DLG2: variants seen among roughly 807,000 people sequenced by gnomAD.
DLG2 encodes disks large homolog 2.
Under a neutral mutation model 132.5 loss-of-function variants are expected in DLG2, and 45 were observed. The observed-to-expected ratio is 0.34, with a 90% confidence interval of 0.27 to 0.44. The LOEUF (loss-of-function observed/expected upper bound fraction) is 0.44. Among genes scored for constraint, DLG2 ranks in the 20% least tolerant of loss-of-function variants. The pLI is 1.00. For missense variants in DLG2, 1,045 were observed against 1,196.9 expected, an observed-to-expected ratio of 0.87 and a Z score of 1.87; for synonymous variants, 424 against 419.6, an observed-to-expected ratio of 1.01 and a Z score of -0.13.
intron 6 of DLG2, among the ~76,000 whole-genome samples, chr11:84,775,590 A>T (rs959242939): frequency 5.3e-5 from 8 of 151,980 alleles, no homozygotes; most frequent in Non-Finnish European, 1.0e-4. Context: ...AGGCAGCCAT[A>T]AAAAAAGTGA....
At chr11:84,863,005 C>G (rs1360203872) in intron 6 of DLG2, among the ~76,000 whole-genome samples, 2 of 151,978 alleles carry the variant, frequency 1.3e-5, no homozygotes, top group Non-Finnish European at 2.9e-5. Context: ...CGTCCTGCTT[C>G]TCTCCCACCA....
chr11:84,305,394 T>C (rs1722330922), intron 7 of DLG2, among the ~76,000 whole-genome samples: 1 of 152,130 alleles, frequency 6.6e-6, no homozygotes, highest in Non-Finnish European at 1.5e-5. Flanking sequence ...AAATTAGTGT[T>C]AGAAAAAGTA....
At chr11:83,735,559 C>T (rs1041451375) in intron 18 of DLG2, among the ~76,000 whole-genome samples, 7 of 152,180 alleles carry the variant, frequency 4.6e-5, no homozygotes, top group Admixed American at 1.3e-4. Flanking sequence ...CTTGGTGACA[C>T]ATAATTTGCA....
intron 6 of DLG2, among the ~76,000 whole-genome samples, chr11:84,853,712 A>G (rs989047370): frequency 6.6e-6 from 1 of 151,716 alleles, no homozygotes; most frequent in Non-Finnish European, 1.5e-5. Flanking sequence ...ACCATTGAAA[A>G]CCCCTAGTCT....
At chr11:83,911,097 A>G (rs1417949554) in intron 15 of DLG2, among the ~76,000 whole-genome samples, 11 of 152,158 alleles carry the variant, frequency 7.2e-5, no homozygotes, top group Non-Finnish European at 7.4e-5. Flanking sequence ...CAAGAAAAAA[A>G]GTGATGTAAA....
At chr11:85,397,773 T>C (rs1312212962) in intron 3 of DLG2, among the ~76,000 whole-genome samples, 2 of 152,116 alleles carry the variant, frequency 1.3e-5, no homozygotes, top group Non-Finnish European at 2.9e-5. Context: ...CCCAGATTCA[T>C]AAAGCAAGTC....
At chr11:83,507,771 T>C (rs2094800015) in intron 21 of DLG2, among the ~76,000 whole-genome samples, 1 of 44,144 alleles carries the variant, frequency 2.3e-5, no homozygotes, top group Non-Finnish European at 5.0e-5. Flanking sequence ...TATATATATA[T>C]ATATATATAT....
chr11:84,351,942 A>G (rs2098576943), intron 7 of DLG2, among the ~76,000 whole-genome samples: 1 of 152,228 alleles, frequency 6.6e-6, no homozygotes, highest in South Asian at 2.1e-4. Flanking sequence ...CTGGGCTGAA[A>G]TATTAGGATT....
chr11:84,658,533 C>T (rs1488574472), intron 6 of DLG2, among the ~76,000 whole-genome samples: 1 of 152,062 alleles, frequency 6.6e-6, no homozygotes, highest in African/African-American at 2.4e-5. Flanking sequence ...ATGTGATCCC[C>T]AATGCTAAAG....
In DLG2 at chr11:84,299,816, C is replaced by T. The variant is rs138095964; in HGVS notation, c.520-48525G>A. On this transcript the variant is annotated intron_variant, in intron 7 of 27. Coordinates refer to ENST00000376104, the MANE Select transcript of DLG2 (RefSeq NM_001142699.3). Reference sequence around the variant, plus strand: ...ACTGTTATCATTCCATTCAGTCCTTCGAAAATAATGTTTCTTCTACTAGAA... The same window carrying T: ...ACTGTTATCATTCCATTCAGTCCTTTGAAAATAATGTTTCTTCTACTAGAA... Among the ~76,000 whole-genome samples the T allele has an allele frequency of 1.8e-3, 270 of 152,224 alleles. 1 individual carries two copies. Among genetic ancestry groups the T allele is most frequent in the African/African-American group, 6.2e-3 (257 of 41,540 alleles).
rs546306540 is a variant in DLG2 at position 84,677,522 on chromosome 11, T to C, written c.358-142791A>G. Among the ~76,000 whole-genome samples, 4 of 152,188 alleles carry C rather than the reference T, an allele frequency of 2.6e-5. No individual in the cohort carries two copies. The East Asian group carries it at 7.8e-4, about 30-fold the overall frequency. On this transcript the variant is annotated intron_variant, in intron 6 of 27. Coordinates refer to ENST00000376104, the MANE Select transcript of DLG2 (RefSeq NM_001142699.3). The stretch of plus-strand genomic sequence containing the variant: ...ACTTACAAATCCTTCCTTATAAGAA[T>C]AGCCCTGCACAGAATCATTCTAACT...
At chr11:84,649,870 T>A (rs769721997) in intron 6 of DLG2, among the ~76,000 whole-genome samples, 1 of 152,072 alleles carries the variant, frequency 6.6e-6, no homozygotes, top group African/African-American at 2.4e-5. Context: ...CATCAACACA[T>A]CTCCAAACTC....
chr11:85,100,692 T>G (rs1042833856), intron 6 of DLG2, among the ~76,000 whole-genome samples: 1 of 152,066 alleles, frequency 6.6e-6, no homozygotes, highest in African/African-American at 2.4e-5. Flanking sequence ...GCCATCAGTC[T>G]CTCCTTCCTT....
At chr11:83,713,122 C>T (rs2085870538) in intron 18 of DLG2, among the ~76,000 whole-genome samples, 2 of 152,078 alleles carry the variant, frequency 1.3e-5, no homozygotes, top group African/African-American at 4.8e-5. Flanking sequence ...CACATGTTTT[C>T]CTCCTTTAAT....
intron 6 of DLG2, among the ~76,000 whole-genome samples, chr11:84,542,901 T>C (rs2099380057): frequency 8.0e-6 from 1 of 124,958 alleles, no homozygotes; most frequent in Admixed American, 7.8e-5. Context: ...TTAAACACTT[T>C]GACATTTACT....
intron 3 of DLG2, among the ~76,000 whole-genome samples, chr11:85,561,357 A>G (rs1348927479): frequency 6.9e-6 from 1 of 144,660 alleles, no homozygotes; most frequent in Non-Finnish European, 1.5e-5. Context: ...AAAAAAAAAA[A>G]AAAAAAAAAA....
rs192281293 is a variant in DLG2 at position 83,789,887 on chromosome 11, T to G, written c.1723-3095A>C. On this transcript the variant is annotated intron_variant, in intron 17 of 27. Coordinates refer to ENST00000376104, the MANE Select transcript of DLG2 (RefSeq NM_001142699.3). The stretch of plus-strand genomic sequence containing the variant: ...TGAAATAGTTATGGCAGCAAAAGAT[T>G]TTGATGGCAATGAAAGTTTGTAAAC... The G allele has an allele frequency of 1.6e-3, 1,046 of 645,180 alleles. 12 individuals carry two copies. In the African/African-American group the frequency reaches 0.018, roughly 11 times the overall value. 40.0% of individuals were successfully genotyped at this position (645,180 alleles called of 1,614,324 possible).
chr11:83,715,225 C>T (rs1245982395), intron 18 of DLG2, among the ~76,000 whole-genome samples: 2 of 152,120 alleles, frequency 1.3e-5, no homozygotes, highest in Admixed American at 1.3e-4. Context: ...TCAAATCCAC[C>T]AGGCACCAAA....
chr11:85,291,958 A>G lies in DLG2; in HGVS notation c.41-6593T>C, dbSNP rs987333447. Among the ~76,000 whole-genome samples, 9 of 152,134 alleles carry G rather than the reference A, an allele frequency of 5.9e-5. 1 individual carries two copies. The South Asian group carries it at 8.3e-4, about 14-fold the overall frequency. ...AAGACATATGCCTTACGCTTCCTCCAACATACCTTGTTCTCTTACCACATA... is the reference window on the plus strand; with the variant it reads ...AAGACATATGCCTTACGCTTCCTCCGACATACCTTGTTCTCTTACCACATA... On this transcript the variant is annotated intron_variant, in intron 3 of 27. Coordinates refer to ENST00000376104, the MANE Select transcript of DLG2 (RefSeq NM_001142699.3).
Sources: allele counts gnomAD v4.1 joint callset (sites outside exome capture counted in the v4.1 genomes callset), GRCh38; gene constraint gnomAD v4.1.1; transcripts MANE v1.5; gene names NCBI Gene and HGNC (gene_info 2026-07-23, HGNC 2026-07-21).